The following MPZ variants were observed in gnomAD, a reference collection of about 807,000 sequenced individuals.
MPZ encodes myelin protein zero, also known as myelin protein P0.
A neutral mutation model predicts 27.9 loss-of-function variants in MPZ; 13 were observed. The observed-to-expected ratio is 0.47, with a 90% CI of 0.30 to 0.74. MPZ has a LOEUF of 0.74. Among genes scored for constraint, MPZ ranks in the 30% least tolerant of loss-of-function variants. MPZ has a pLI of 0.06. For synonymous variants in MPZ, 118 were observed against 128.9 expected, an observed-to-expected ratio of 0.92 and a Z score of 0.57; for missense variants, 256 against 317.5, an observed-to-expected ratio of 0.81 and a Z score of 1.47.
chr1:161,307,014 C>CAAAAAAAGAAAAAAA, intron 2 of MPZ, 93 bp from the exon 3 acceptor site: 1 of 230,386 alleles, frequency 4.3e-6, no homozygotes, highest in Non-Finnish European at 7.4e-6. Context: ...AAGAAAAAAG[C>CAAAAAAAGAAAAAAA]AAAAAAAAAA....
chr1:161,306,176 AAG>A lies in MPZ; in HGVS notation c.585-10_585-9del, dbSNP rs1670237149. ...TTCCCCTTCTCCATAGCACTGCAAG[AAG>A]AGAGACTGCTGTACGTTTGGCCTCG... On this transcript the variant is annotated splice_polypyrimidine_tract_variant and intron_variant, in intron 4 of 5. Coordinates refer to ENST00000533357, the MANE Select transcript of MPZ (RefSeq NM_000530.8). The A allele has an allele frequency of 1.2e-6, 2 of 1,614,066 alleles. No individual in the cohort carries two copies. The highest frequency in any genetic ancestry group is 3.3e-5 in the Admixed American group (2 of 60,006).
chr1:161,303,604 T>G (rs776463420), downstream of MPZ, among the ~76,000 whole-genome samples: 1 of 152,196 alleles, frequency 6.6e-6, no homozygotes, highest in Non-Finnish European at 1.5e-5. Context: ...CCTCCCAAAG[T>G]GCTGGCATTA....
chr1:161,306,913 G>A lies in MPZ; in HGVS notation c.243C>T (p.His81=), dbSNP rs1571819354. The change falls in exon 3 of 6, where the codon CAC becomes CAT. Residue 81 remains histidine, a synonymous_variant. Transcript: ENST00000533357. ...EGGRDAISIF[H]YAKGQPYIDE... ...CAATGTAGGGTTGTCCCTTGGCATA[G>A]TGGAAGATCTATGAGGAATGAGGGG... 6.4e-7 allele frequency: 1 copy of A among 1,570,156 alleles called. No individual in the cohort carries two copies.
In MPZ at chr1:161,305,737, T is replaced by C; in HGVS notation, c.*139A>G. The C allele has an allele frequency of 1.6e-6, 1 of 644,942 alleles. No individual in the cohort carries two copies. The highest frequency in any genetic ancestry group is 1.8e-5 in the African/African-American group (1 of 54,610). The allele number at this position is 644,942 out of a possible 1,614,324, so 40.0% of individuals were successfully genotyped here. A position where few individuals can be genotyped will look rare whatever the true frequency, so the allele number is the denominator to read the frequency against. On this transcript the variant is annotated 3_prime_UTR_variant, in exon 6 of 6. Transcript: ENST00000533357. ...TTCTTGAGGGCGTTTTTGAGGCTGGTTCTGCTGGGGGACTTGACAGCAGGC... is the reference window on the plus strand; with the variant it reads ...TTCTTGAGGGCGTTTTTGAGGCTGGCTCTGCTGGGGGACTTGACAGCAGGC...
chr1:161,309,058 C>T (rs1299080994), intron 1 of MPZ, among the ~76,000 whole-genome samples: 1 of 152,224 alleles, frequency 6.6e-6, no homozygotes, highest in Non-Finnish European at 1.5e-5. Context: ...AATAATCCTG[C>T]TTTGACCTCT....
chr1:161,308,810 C>T (rs529656518), intron 1 of MPZ, among the ~76,000 whole-genome samples: 14 of 152,224 alleles, frequency 9.2e-5, no homozygotes, highest in African/African-American at 2.4e-4. Flanking sequence ...ATTCCTTCCC[C>T]CTATTTCCCT....
chr1:161,309,486 TAAAATA>T (rs1410096336), intron 1 of MPZ, among the ~76,000 whole-genome samples: 1 of 150,628 alleles, frequency 6.6e-6, no homozygotes. Context: ...CCCTTTCTTT[TAAAATA>T]AAACCTCTAC....
At chr1:161,306,000 A>G in intron 5 of MPZ, 23 bp from the exon 6 acceptor site, 1 of 1,611,272 alleles carries the variant, frequency 6.2e-7, no homozygotes, top group Non-Finnish European at 8.5e-7. Context: ...CGCACACATC[A>G]GTCACCGAGC....
At chr1:161,309,692 G>A (rs1431865807) in intron 1 of MPZ, 147 bp downstream of exon 1, 8 of 733,148 alleles carry the variant, frequency 1.1e-5, no homozygotes, top group Admixed American at 2.1e-5. Flanking sequence ...ATGCCCAGCC[G>A]CATATTTTTT....
intron 1 of MPZ, 117 bp from the exon 2 acceptor site, chr1:161,307,541 G>T (rs1299709355): frequency 8.6e-7 from 1 of 1,161,460 alleles, no homozygotes; most frequent in Non-Finnish European, 1.3e-6. Flanking sequence ...ATTTGGAAAA[G>T]AAACAACAAA....
chr1:161,306,441 G>A lies in MPZ; in HGVS notation c.472C>T (p.Leu158=). 2 of 1,614,220 alleles carry A rather than the reference G, an allele frequency of 1.2e-6. No individual in the cohort carries two copies. Among genetic ancestry groups the A allele is most frequent in the Non-Finnish European group, 1.7e-6 (2 of 1,180,048 alleles). The part of the protein sequence containing the change: ...EKVPTRYGVV[L]GAVIGGVLGV... ...AGGACACCCCCGATCACAGCTCCCA[G>A]AACGACCCCGTACCTAGTTGGCACT... The change falls in exon 4 of 6, where the codon CTG becomes TTG. Residue 158 remains leucine (L), a synonymous_variant. Coordinates refer to ENST00000533357, the MANE Select transcript of MPZ (RefSeq NM_000530.8).
At chr1:161,306,609 C>A (rs1318236132) in intron 3 of MPZ, 99 bp downstream of exon 3, 6 of 1,551,340 alleles carry the variant, frequency 3.9e-6, no homozygotes, top group South Asian at 3.4e-5. Context: ...GAATAAAGGT[C>A]CTTAGGCCGG....
chr1:161,307,109 A>C, intron 2 of MPZ, 149 bp downstream of exon 2: 1 of 1,125,808 alleles, frequency 8.9e-7, no homozygotes, highest in Non-Finnish European at 1.3e-6. Context: ...AGGACAATGT[A>C]GTCAGGGTGA....
In MPZ at chr1:161,305,343, A is replaced by G; in HGVS notation, c.*533T>C. 1 of 156,934 alleles carries G rather than the reference A, an allele frequency of 6.4e-6. No homozygotes were observed. Among genetic ancestry groups the G allele is most frequent in the Non-Finnish European group, 1.4e-5 (1 of 70,546 alleles). 9.7% of individuals were successfully genotyped at this position (156,934 alleles called of 1,614,324 possible). ...GACGGGAGAGGAAACAGCCAGGGGG[A>G]CAGGCTGGGGGATGCAGGAGATGGG... On this transcript the variant is annotated 3_prime_UTR_variant, in exon 6 of 6. Transcript: ENST00000533357.
chr1:161,309,553 T>TATATATATA (rs1553259997), intron 1 of MPZ, among the ~76,000 whole-genome samples: 2 of 69,820 alleles, frequency 2.9e-5, no homozygotes, highest in Non-Finnish European at 6.0e-5. Flanking sequence ...TATATATATA[T>TATATATATA]TTTTTTTTTT....
Position 161,309,920 on chromosome 1 carries a change from C to T in MPZ, c.-15G>A. 6.3e-7 allele frequency: 1 copy of T among 1,578,728 alleles called. No individual in the cohort carries two copies. Among genetic ancestry groups the T allele is most frequent in the East Asian group, 2.3e-5 (1 of 43,960 alleles). Reference sequence around the variant, plus strand: ...CCAGGAGCCATAGCTGGGGCAGGGGCAGGGGCCCGGAGCATCTGTGGGGTT... The same window carrying T: ...CCAGGAGCCATAGCTGGGGCAGGGGTAGGGGCCCGGAGCATCTGTGGGGTT... On this transcript the variant is annotated 5_prime_UTR_variant, in exon 1 of 6. Transcript: ENST00000533357.
chr1:161,306,014 T>TG (rs1670229591), intron 5 of MPZ, 37 bp from the exon 6 acceptor site: 1 of 1,609,404 alleles, frequency 6.2e-7, no homozygotes. Context: ...ACCGAGCGAC[T>TG]GGGGCTTGAC....
Position 161,305,564 on chromosome 1 carries a change from A to C in MPZ, c.*312T>G. 2.5e-6 allele frequency: 1 copy of C among 395,508 alleles called. No homozygotes were observed. The highest frequency in any genetic ancestry group is 4.6e-6 in the Non-Finnish European group (1 of 217,336). The allele number at this position is 395,508 out of a possible 1,614,324, so 24.5% of individuals were successfully genotyped here. ...GAATGAATTCTGGAATGAAACTTACATCTCAAAGGGAGGTGAGGGCAGGGC... is the reference window on the plus strand; with the variant it reads ...GAATGAATTCTGGAATGAAACTTACCTCTCAAAGGGAGGTGAGGGCAGGGC... On this transcript the variant is annotated 3_prime_UTR_variant, in exon 6 of 6. Coordinates refer to ENST00000533357, the MANE Select transcript of MPZ (RefSeq NM_000530.8).
chr1:161,306,212 C>T (rs1670238185), intron 4 of MPZ, 44 bp from the exon 5 acceptor site: 1 of 1,612,752 alleles, frequency 6.2e-7, no homozygotes, highest in Non-Finnish European at 8.5e-7. Flanking sequence ...CGCCGGAACC[C>T]CTTGCACCGC....
Sources: gnomAD v4.1 joint callset for allele counts (sites outside exome capture counted in the v4.1 genomes callset) on GRCh38, gnomAD v4.1.1 for gene constraint, MANE v1.5 for transcripts, NCBI Gene and HGNC (gene_info 2026-07-23, HGNC 2026-07-21) for gene names.